DHRS9: variants seen among roughly 807,000 people sequenced by gnomAD.
DHRS9 encodes dehydrogenase/reductase SDR family member 9.
A neutral mutation model predicts 26.6 loss-of-function variants in DHRS9; 18 were observed. The observed-to-expected ratio is 0.68, with a 90% CI of 0.47 to 1.00. DHRS9 has a LOEUF of 1.00. Ranked by LOEUF, DHRS9 falls within the 50% of genes least tolerant of loss-of-function variation. The pLI, the probability that DHRS9 is intolerant of heterozygous loss-of-function variation, is 0.00. For missense variants in DHRS9, 425 were observed against 378.7 expected (o/e 1.12, Z -1.01); for synonymous variants, 134 against 141.1 (o/e 0.95, Z 0.36).
chr2:169,071,284 A>G (rs1683797812), intron 1 of DHRS9, among the ~76,000 whole-genome samples: 1 of 152,260 alleles, frequency 6.6e-6, no homozygotes, highest in Non-Finnish European at 1.5e-5. Context: ...AAATAAAGTA[A>G]TCATAGCTTT....
intron 3 of DHRS9, among the ~76,000 whole-genome samples, chr2:169,091,106 T>C (rs910539305): frequency 2.0e-5 from 3 of 152,104 alleles, no homozygotes; most frequent in Non-Finnish European, 4.4e-5. Flanking sequence ...TTTATCAGGA[T>C]GTGACCCCAC....
At position 169,095,847 on chromosome 2, in the gene DHRS9, T is replaced by C; in HGVS notation, c.*80T>C. 7.8e-7 allele frequency: 1 copy of C among 1,282,794 alleles called. No homozygotes were observed. Among genetic ancestry groups the C allele is most frequent in the East Asian group, 2.4e-5 (1 of 41,314 alleles). The allele number at this position is 1,282,794 out of a possible 1,614,324, so 79.5% of individuals were successfully genotyped here. Reference sequence around the variant, plus strand: ...CACATCTCCTTTTCAACCCCATTCCTTATCTGCTCCAACCTGGACTCATTT... The same window carrying C: ...CACATCTCCTTTTCAACCCCATTCCCTATCTGCTCCAACCTGGACTCATTT... On this transcript the variant is annotated 3_prime_UTR_variant, in exon 5 of 5. Coordinates refer to ENST00000674881, the MANE Select transcript of DHRS9 (RefSeq NM_001376924.1).
At chr2:169,095,323 A>G (rs140190159) in intron 4 of DHRS9, among the ~76,000 whole-genome samples, 1 of 152,296 alleles carries the variant, frequency 6.6e-6, no homozygotes, top group East Asian at 1.9e-4. Flanking sequence ...TGAGCTCTCT[A>G]GAAGAATCTG....
chr2:169,067,725 T>C (rs557475258), upstream of DHRS9, among the ~76,000 whole-genome samples: 1 of 152,244 alleles, frequency 6.6e-6, no homozygotes, highest in African/African-American at 2.4e-5. Flanking sequence ...AGAGGTGAAA[T>C]GAAAGACAAC....
At chr2:169,078,514 T>C (rs773330706) in intron 1 of DHRS9, among the ~76,000 whole-genome samples, 1 of 152,350 alleles carries the variant, frequency 6.6e-6, no homozygotes, top group South Asian at 2.1e-4. Flanking sequence ...AATTTGTAGA[T>C]ACAAAATTTC....
Position 169,081,507 on chromosome 2 carries a change from C to G in DHRS9, c.-59-16C>G. The G allele has an allele frequency of 6.5e-7, 1 of 1,534,286 alleles. No homozygotes were observed. Among genetic ancestry groups the G allele is most frequent in the Non-Finnish European group, 8.7e-7 (1 of 1,145,770 alleles). On this transcript the variant is annotated splice_polypyrimidine_tract_variant and intron_variant, in intron 1 of 4. Transcript: ENST00000674881. ...TAGTTCTAATTTGAATTTTCTTTTT[C>G]ACTTTGAACACTCAGGACACCATCT... is the stretch of plus-strand genomic sequence containing the variant.
chr2:169,075,272 C>T (rs1325835497), intron 1 of DHRS9, among the ~76,000 whole-genome samples: 3 of 152,138 alleles, frequency 2.0e-5, no homozygotes, highest in African/African-American at 7.2e-5. Flanking sequence ...AATTTAGAGA[C>T]TAGGACAACC....
chr2:169,079,051 G>C (rs1684060509), intron 1 of DHRS9, among the ~76,000 whole-genome samples: 1 of 151,848 alleles, frequency 6.6e-6, no homozygotes, highest in South Asian at 2.1e-4. Flanking sequence ...GTTTCACTAT[G>C]TTGGCCAGAC....
intron 4 of DHRS9, among the ~76,000 whole-genome samples, chr2:169,092,186 T>C (rs1684550957): frequency 6.6e-6 from 1 of 152,258 alleles, no homozygotes; most frequent in Admixed American, 6.5e-5. Flanking sequence ...TGAATTATAT[T>C]ATTTACTCCT....
At chr2:169,072,659 G>C in intron 1 of DHRS9, 6 of 985,380 alleles carry the variant, frequency 6.1e-6, no homozygotes, top group Non-Finnish European at 7.2e-6. Flanking sequence ...GCTGCTGACA[G>C]GCAGTTACTA....
intron 4 of DHRS9, among the ~76,000 whole-genome samples, chr2:169,093,066 C>G (rs75950597): frequency 4.7e-4 from 71 of 152,272 alleles, no homozygotes; most frequent in Non-Finnish European, 9.4e-4. Flanking sequence ...CCCTCCGCCA[C>G]AAACTTCTTG....
rs148556135 is a variant in DHRS9 at position 169,085,624 on chromosome 2, T to G, written c.572+2037T>G. Among the ~76,000 whole-genome samples, 41 of 152,300 alleles carry G rather than the reference T, an allele frequency of 2.7e-4. 1 individual carries two copies. The highest frequency in any genetic ancestry group is 9.6e-4 in the African/African-American group (40 of 41,594). On this transcript the variant is annotated intron_variant, in intron 3 of 4. Transcript: ENST00000674881. ...TTAATTCCTTGATTTCTTTTTTGGA[T>G]TGTTTGCTGTTGGCATACAGAAATT...
Position 169,096,055 on chromosome 2 carries a change from C to G in DHRS9, c.*288C>G, listed in dbSNP as rs1684689047. ...AGGGAAATTGAAAGACTTGCCCATT[C>G]AAAATGATCTTTACCGTGGCCTGCC... On this transcript the variant is annotated 3_prime_UTR_variant, in exon 5 of 5. Coordinates refer to ENST00000674881, the MANE Select transcript of DHRS9 (RefSeq NM_001376924.1). 1 of 425,854 alleles carries G rather than the reference C, an allele frequency of 2.3e-6. No individual in the cohort carries two copies. The highest frequency in any genetic ancestry group is 4.4e-5 in the East Asian group (1 of 22,766). The allele number at this position is 425,854 out of a possible 1,614,324, so 26.4% of individuals were successfully genotyped here.
chr2:169,090,902 G>A (rs188889771), intron 3 of DHRS9, among the ~76,000 whole-genome samples: 212 of 152,270 alleles, frequency 1.4e-3, no homozygotes, highest in African/African-American at 4.3e-3. Flanking sequence ...CCAGCTCCCC[G>A]TCAGCCGTTG....
At chr2:169,081,271 C>A (rs1204216585) in intron 1 of DHRS9, 2 of 775,814 alleles carry the variant, frequency 2.6e-6, no homozygotes, top group Non-Finnish European at 3.5e-6. Flanking sequence ...GTCAATTTTG[C>A]CATGGCTCCC....
chr2:169,080,388 G>A (rs932885272), intron 1 of DHRS9, among the ~76,000 whole-genome samples: 1 of 152,222 alleles, frequency 6.6e-6, no homozygotes, highest in Non-Finnish European at 1.5e-5. Flanking sequence ...GGGAGCTGAT[G>A]ATCTCATTCT....
chr2:169,084,190 A>G (rs1406661336), intron 3 of DHRS9, among the ~76,000 whole-genome samples: 3 of 152,172 alleles, frequency 2.0e-5, no homozygotes, highest in East Asian at 1.9e-4. Flanking sequence ...TTATGGCTCA[A>G]TAGTACTCCA....
chr2:169,091,695 T>A (rs1220076709), intron 3 of DHRS9, 95 bp from the exon 4 acceptor site: 1 of 1,348,934 alleles, frequency 7.4e-7, no homozygotes, highest in South Asian at 1.5e-5. Context: ...AAATCTGTGA[T>A]TCCATGAAAA....
chr2:169,073,413 G>A (rs1574019608), intron 1 of DHRS9, among the ~76,000 whole-genome samples: 1 of 152,224 alleles, frequency 6.6e-6, no homozygotes, highest in East Asian at 1.9e-4. Flanking sequence ...AACATGTTAG[G>A]CACTCAATGA....
Sources: gnomAD v4.1 joint callset for allele counts (sites outside exome capture counted in the v4.1 genomes callset) on GRCh38, gnomAD v4.1.1 for gene constraint, MANE v1.5 for transcripts, NCBI Gene and HGNC (gene_info 2026-07-23, HGNC 2026-07-21) for gene names.